The following ADAMTS2 variants were observed in gnomAD, a reference collection of about 807,000 sequenced individuals.
ADAMTS2 encodes A disintegrin and metalloproteinase with thrombospondin motifs 2.
A neutral mutation model predicts 123.0 loss-of-function variants in ADAMTS2; 50 were observed. The ratio of observed to expected loss-of-function variants is 0.41; its 90% CI spans 0.32 to 0.51. ADAMTS2 has a LOEUF of 0.51. Among genes scored for constraint, ADAMTS2 ranks in the 20% least tolerant of loss-of-function variants. ADAMTS2 has a pLI of 0.35. For missense variants in ADAMTS2, 1,494 were observed against 1,705.2 expected, an observed-to-expected ratio of 0.88 and a Z score of 2.18; for synonymous variants, 678 against 695.4, an observed-to-expected ratio of 0.98 and a Z score of 0.39.
Position 179,332,629 on chromosome 5 carries a change from G to C in ADAMTS2, c.534+11138C>G, listed in dbSNP as rs1436144033. Among the ~76,000 whole-genome samples, 1 of 146,852 alleles carries C rather than the reference G, an allele frequency of 6.8e-6. No individual in the cohort carries two copies. Among genetic ancestry groups the C allele is most frequent in the Non-Finnish European group, 1.5e-5 (1 of 66,292 alleles). On this transcript the variant is annotated intron_variant, in intron 2 of 21. Coordinates refer to ENST00000251582, the MANE Select transcript of ADAMTS2 (RefSeq NM_014244.5). This position sits in a 1 kb window ranked among gnomAD's most constrained non-coding sequence, Gnocchi z 4.2. ...CAACCTGCATTGCCCCAGAAGCCCA[G>C]ACCTCAGCTCAGGGCCAGTGTGCTG...
In ADAMTS2 at chr5:179,332,319, C is replaced by T. The variant is rs1013666387; in HGVS notation, c.534+11448G>A. 6.6e-6 allele frequency among the ~76,000 whole-genome samples: 1 copy of T among 152,194 alleles called. No homozygotes were observed. The highest frequency in any genetic ancestry group is 2.4e-5 in the African/African-American group (1 of 41,446). ...CACCTGTTCACCAACCCAAAGCTCT[C>T]CAAACCTTGTCATTTAGGGGTTTTC... is the stretch of plus-strand genomic sequence containing the variant. On this transcript the variant is annotated intron_variant, in intron 2 of 21. Transcript: ENST00000251582. The surrounding 1 kb of genome is among the most constrained non-coding windows in gnomAD (Gnocchi z 4.2).
At position 179,303,259 on chromosome 5, in the gene ADAMTS2, T is replaced by C. The variant is rs1756581527; in HGVS notation, c.535-30195A>G. ...TCTGCTGGTAGAAGTCCCTCCCTGA[T>C]TATAAACCGCTCAACACATAGAGAG... On this transcript the variant is annotated intron_variant, in intron 2 of 21. Transcript: ENST00000251582. This position sits in a 1 kb window ranked among gnomAD's most constrained non-coding sequence, Gnocchi z 4.7. Among the ~76,000 whole-genome samples, 1 of 152,102 alleles carries C rather than the reference T, an allele frequency of 6.6e-6. No individual in the cohort carries two copies. Among genetic ancestry groups the C allele is most frequent in the South Asian group, 2.1e-4 (1 of 4,820 alleles).
intron 10 of ADAMTS2, among the ~76,000 whole-genome samples, chr5:179,141,478 T>C (rs1763169320): frequency 6.6e-6 from 1 of 152,068 alleles, no homozygotes; most frequent in African/African-American, 2.4e-5. Flanking sequence ...CTCTCCCCAG[T>C]AACTGACGAA....
intron 12 of ADAMTS2, among the ~76,000 whole-genome samples, chr5:179,136,778 G>A (rs1763073630): frequency 6.6e-6 from 1 of 151,608 alleles, no homozygotes; most frequent in Non-Finnish European, 1.5e-5. Context: ...AGACCATCCT[G>A]GCTAACATGG....
intron 3 of ADAMTS2, among the ~76,000 whole-genome samples, chr5:179,263,432 T>C (rs1360293228): frequency 6.6e-6 from 1 of 152,240 alleles, no homozygotes; most frequent in African/African-American, 2.4e-5. Flanking sequence ...TGAACCCGCA[T>C]GGCATTCAGG....
intron 4 of ADAMTS2, among the ~76,000 whole-genome samples, chr5:179,206,617 C>G (rs1235546580): frequency 1.3e-5 from 2 of 152,220 alleles, no homozygotes; most frequent in African/African-American, 2.4e-5. Context: ...TGCCCTGGTC[C>G]TCCTTCTCAC....
intron 3 of ADAMTS2, among the ~76,000 whole-genome samples, chr5:179,235,399 C>A (rs1352359415): frequency 3.9e-5 from 6 of 152,220 alleles, no homozygotes; most frequent in Admixed American, 3.9e-4. Context: ...TGGGACAGAA[C>A]TGACGCCTTC....
At chr5:179,266,829 G>A (rs1017194225) in intron 3 of ADAMTS2, among the ~76,000 whole-genome samples, 9 of 152,170 alleles carry the variant, frequency 5.9e-5, no homozygotes, top group Non-Finnish European at 8.8e-5. Flanking sequence ...CTGGCTATCT[G>A]CTCGCCACTG....
rs931407871 is a variant in ADAMTS2, at chr5:179,266,708, C to T, written c.688+6203G>A. On this transcript the variant is annotated intron_variant, in intron 3 of 21. Transcript: ENST00000251582. The stretch of plus-strand genomic sequence containing the variant: ...CTACAGGGCAGAAAGGCTCTCTGAC[C>T]TGGCATTCAGCAAATTGGCACCCCC... 2.6e-5 allele frequency among the ~76,000 whole-genome samples: 4 copies of T among 152,236 alleles called. No homozygotes were observed. The East Asian group carries it at 7.7e-4, about 29-fold the overall frequency.
intron 2 of ADAMTS2, among the ~76,000 whole-genome samples, chr5:179,296,080 C>T (rs561991023): frequency 8.5e-5 from 13 of 152,276 alleles, no homozygotes; most frequent in African/African-American, 2.2e-4. Context: ...GAGGAGCTGG[C>T]GGTGCCTCGG....
intron 2 of ADAMTS2, among the ~76,000 whole-genome samples, chr5:179,333,361 A>G (rs1757528354): frequency 6.6e-6 from 1 of 152,162 alleles, no homozygotes; most frequent in Non-Finnish European, 1.5e-5. Context: ...CACTCCCCAC[A>G]GCCCTCGCTA....
rs570301876 is a variant in ADAMTS2 at position 179,285,988 on chromosome 5, C to T, written c.535-12924G>A. Reference sequence around the variant, plus strand: ...TAGCACTTTGGGAGGCCGAGGCAGGCGGATCACCTGAGGTCAGGAGTTTGA... The same window carrying T: ...TAGCACTTTGGGAGGCCGAGGCAGGTGGATCACCTGAGGTCAGGAGTTTGA... On this transcript the variant is annotated intron_variant, in intron 2 of 21. Transcript: ENST00000251582. This position sits in a 1 kb window ranked among gnomAD's most constrained non-coding sequence, Gnocchi z 4.9. 3.9e-5 allele frequency among the ~76,000 whole-genome samples: 6 copies of T among 151,932 alleles called. No individual in the cohort carries two copies. Among genetic ancestry groups the T allele is most frequent in the African/African-American group, 9.6e-5 (4 of 41,482 alleles).
intron 2 of ADAMTS2, among the ~76,000 whole-genome samples, chr5:179,277,389 C>T (rs1381972918): frequency 2.7e-5 from 1 of 36,532 alleles, no homozygotes; most frequent in Non-Finnish European, 5.0e-5. Context: ...AGGCTGACCC[C>T]CCCCCCGAGA....
At chr5:179,297,672 A>G (rs1476247558) in intron 2 of ADAMTS2, among the ~76,000 whole-genome samples, 1 of 152,020 alleles carries the variant, frequency 6.6e-6, no homozygotes, top group Non-Finnish European at 1.5e-5. Context: ...TGATGAAGTC[A>G]CTGGCAGAGT....
rs530917040 is a variant in ADAMTS2, at chr5:179,307,120, C to T, written c.535-34056G>A. On this transcript the variant is annotated intron_variant, in intron 2 of 21. Transcript: ENST00000251582. This position sits in a 1 kb window ranked among gnomAD's most constrained non-coding sequence, Gnocchi z 5.6. ...TCGGGGAAGTCAGTGGCCAGCCAGC[C>T]TAAGCCCGGCCCAGACCCTCGCCCT... Among the ~76,000 whole-genome samples, 1 of 152,338 alleles carries T rather than the reference C, an allele frequency of 6.6e-6. No homozygotes were observed. The highest frequency in any genetic ancestry group is 1.9e-4 in the East Asian group (1 of 5,176).
At position 179,138,374 on chromosome 5, in the gene ADAMTS2, C is replaced by T. The variant is rs147969709; in HGVS notation, c.1776-430G>A. ...CTCCTCTGCAGCTGGCCCTGGGCAC[C>T]GAGCCTAGCACAGAAAGAGGCATGC... On this transcript the variant is annotated intron_variant, in intron 11 of 21. Coordinates refer to ENST00000251582, the MANE Select transcript of ADAMTS2 (RefSeq NM_014244.5). Among the ~76,000 whole-genome samples, 1,008 of 152,298 alleles carry T rather than the reference C, an allele frequency of 6.6e-3. 7 individuals carry two copies. Among genetic ancestry groups the T allele is most frequent in the Middle Eastern group, 0.01 (3 of 294 alleles).
rs761301326 is a variant in ADAMTS2 at position 179,135,985 on chromosome 5, A to G, written c.2009T>C (p.Met670Thr). Reference sequence around the variant, plus strand: ...CGTCCCGTCATGCACCATGCGCTTCATGGACACCACCTCCCCGGTCTCCCT... The same window carrying G: ...CGTCCCGTCATGCACCATGCGCTTCGTGGACACCACCTCCCCGGTCTCCCT... ...ESRETGEVVS[M>T]KRMVHDGTRC... is the part of the protein sequence containing the mutation. The change falls in exon 13 of 22, where the codon ATG becomes ACG. Residue 670 changes from methionine to threonine, a missense_variant. By Grantham distance (81) the Met-to-Thr change is moderately conservative (BLOSUM62 -1). Coordinates refer to ENST00000251582, the MANE Select transcript of ADAMTS2 (RefSeq NM_014244.5). 5 of 1,613,420 alleles carry G rather than the reference A, an allele frequency of 3.1e-6. No individual in the cohort carries two copies. The East Asian group carries it at 6.7e-5, about 22-fold the overall frequency.
At chr5:179,320,953 C>T (rs1757152637) in intron 2 of ADAMTS2, among the ~76,000 whole-genome samples, 1 of 152,118 alleles carries the variant, frequency 6.6e-6, no homozygotes, top group African/African-American at 2.4e-5. Flanking sequence ...GAGAGCAAAG[C>T]CAAGGGTTGG....
At chr5:179,283,549 C>CAAAAAAAAAAAAAAAAAAAAAAAACAAA in intron 2 of ADAMTS2, among the ~76,000 whole-genome samples, 1 of 51,332 alleles carries the variant, frequency 1.9e-5, no homozygotes, top group Non-Finnish European at 3.4e-5. Flanking sequence ...AGAAAAACAG[C>CAAAAAAAAAAAAAAAAAAAAAAAACAAA]AAAAAAAAAA....
Sources: allele counts gnomAD v4.1 joint callset (sites outside exome capture counted in the v4.1 genomes callset), GRCh38; gene constraint gnomAD v4.1.1; non-coding constraint Gnocchi (gnomAD v3.1); transcripts MANE v1.5; gene names NCBI Gene and HGNC (gene_info 2026-07-23, HGNC 2026-07-21).